Variants in GRIK5 observed in about 807,000 individuals in gnomAD.
GRIK5 encodes glutamate receptor ionotropic, kainate 5.
In GRIK5, 43 loss-of-function variants were observed where a neutral mutation model predicts 97.4. That is an observed-to-expected ratio of 0.44 (90% CI 0.35 to 0.57). The LOEUF (loss-of-function observed/expected upper bound fraction) is 0.57, where lower values mean the gene tolerates loss of function less well. GRIK5 is among the 20% of genes least tolerant of loss of function. The pLI is 0.01. For missense variants in GRIK5, 1,015 were observed against 1,382.0 expected (o/e 0.73, Z 4.21); for synonymous variants, 580 against 583.5 (o/e 0.99, Z 0.09).
intron 15 of GRIK5, among the ~76,000 whole-genome samples, chr19:42,007,403 A>G (rs782121172): frequency 3.3e-5 from 5 of 152,162 alleles, no homozygotes; most frequent in African/African-American, 4.8e-5. Context: ...CCAGGAAACT[A>G]TTTAAAACAT....
At position 42,054,543 on chromosome 19, in the gene GRIK5, G is replaced by A. The variant is rs554886731; in HGVS notation, c.904-71C>T. 71 of 1,549,574 alleles carry A rather than the reference G, an allele frequency of 4.6e-5. No homozygotes were observed. The Middle Eastern group carries it at 5.1e-4, about 11-fold the overall frequency. ...AGGCAGAGGAGCCCCAAAGGCCCCTGAGCTGCCACCCTCAAACCCTCAAAT... is the reference window on the plus strand; with the variant it reads ...AGGCAGAGGAGCCCCAAAGGCCCCTAAGCTGCCACCCTCAAACCCTCAAAT... On this transcript the variant is annotated intron_variant, in intron 8 of 19. Coordinates refer to ENST00000593562, the MANE Select transcript of GRIK5 (RefSeq NM_002088.5).
Position 42,061,922 on chromosome 19 carries a change from G to A in GRIK5, c.508+566C>T, listed in dbSNP as rs545603043. 3.0e-4 allele frequency among the ~76,000 whole-genome samples: 45 copies of A among 152,306 alleles called. No homozygotes were observed. In the South Asian group the frequency reaches 7.9e-3, roughly 27 times the overall value. The stretch of plus-strand genomic sequence containing the variant: ...CATGGCTCCCATCATCTCTTGCTTC[G>A]TTGTTCTCACATTTCAGCCACTGGG... On this transcript the variant is annotated intron_variant, in intron 5 of 19. Transcript: ENST00000593562.
intron 15 of GRIK5, among the ~76,000 whole-genome samples, chr19:42,010,629 G>C (rs1461089816): frequency 6.6e-6 from 1 of 152,160 alleles, no homozygotes; most frequent in Non-Finnish European, 1.5e-5. Flanking sequence ...AAAGCTGGGA[G>C]AATTAATTGC....
chr19:42,022,475 A>C lies in GRIK5; in HGVS notation c.1474-121T>G. On this transcript the variant is annotated intron_variant, in intron 12 of 19. Coordinates refer to ENST00000593562, the MANE Select transcript of GRIK5 (RefSeq NM_002088.5). The surrounding 1 kb of genome is among the most constrained non-coding windows in gnomAD (Gnocchi z 4.2). ...GGAGGCGAGAGAGAGAGAGGTAGGG[A>C]GGGGGAGGGGCCAGGAGCATGGACT... 7.1e-7 allele frequency: 1 copy of C among 1,412,286 alleles called. No homozygotes were observed. The highest frequency in any genetic ancestry group is 9.4e-7 in the Non-Finnish European group (1 of 1,067,406). The allele number at this position is 1,412,286 out of a possible 1,614,324, so 87.5% of individuals were successfully genotyped here. A position where few individuals can be genotyped will look rare whatever the true frequency, so the allele number is the denominator to read the frequency against.
intron 19 of GRIK5, among the ~76,000 whole-genome samples, chr19:42,000,411 T>C (rs911303910): frequency 6.6e-6 from 1 of 152,168 alleles, no homozygotes; most frequent in Non-Finnish European, 1.5e-5. Context: ...TAGGATCTGC[T>C]AAGAGATCAG....
intron 15 of GRIK5, among the ~76,000 whole-genome samples, chr19:42,008,460 C>A (rs2075520788): frequency 6.6e-6 from 1 of 152,160 alleles, no homozygotes; most frequent in African/African-American, 2.4e-5. Flanking sequence ...TACCCCGTCT[C>A]TACTAAAAAT....
At position 42,006,948 on chromosome 19, in the gene GRIK5, G is replaced by A. The variant is rs1387619913; in HGVS notation, c.1872-138C>T. On this transcript the variant is annotated intron_variant, in intron 15 of 19. Transcript: ENST00000593562. The surrounding 1 kb of genome is among the most constrained non-coding windows in gnomAD (Gnocchi z 5.3). ...CTCAGTGACTGCTGGGTGCAGAAGC[G>A]GGGAGTGTGGATTCTGAAGCCAGAC... 1.1e-5 allele frequency: 7 copies of A among 609,546 alleles called. No individual in the cohort carries two copies. Among genetic ancestry groups the A allele is most frequent in the South Asian group, 2.1e-5 (1 of 46,860 alleles). The allele number at this position is 609,546 out of a possible 1,614,324, so 37.8% of individuals were successfully genotyped here. A position where few individuals can be genotyped will look rare whatever the true frequency, so the allele number is the denominator to read the frequency against.
chr19:42,018,439 A>AAGTGAC (rs2075654388), intron 15 of GRIK5, among the ~76,000 whole-genome samples: 1 of 151,398 alleles, frequency 6.6e-6, no homozygotes, highest in African/African-American at 2.5e-5. Context: ...TGAGTGGATC[A>AAGTGAC]CTTAAGGTCA....
intron 19 of GRIK5, chr19:42,001,655 C>T (rs1222705750): frequency 1.3e-5 from 2 of 159,228 alleles, no homozygotes; most frequent in African/African-American, 4.8e-5. Flanking sequence ...TTTGTTGAGC[C>T]TTCAGACCAC....
At position 42,042,716 on chromosome 19, in the gene GRIK5, G is replaced by A. The variant is rs528551990; in HGVS notation, c.1309C>T (p.Leu437=). Residue 437 remains leucine, a synonymous_variant, in exon 12 of 20, where the codon CTG becomes TTG. Transcript: ENST00000593562. This position sits in a 1 kb window ranked among gnomAD's most constrained non-coding sequence, Gnocchi z 6.9. ...CCCTCGAAGCGTTCGTTCCCCGACAGGGCCTGGAAGTTGGGCCGGCGCATG... is the reference window on the plus strand; with the variant it reads ...CCCTCGAAGCGTTCGTTCCCCGACAAGGCCTGGAAGTTGGGCCGGCGCATG... ...YVMRRPNFQA[L]SGNERFEGFC... 5.0e-6 allele frequency: 8 copies of A among 1,613,786 alleles called. No homozygotes were observed. The South Asian group carries it at 8.8e-5, about 18-fold the overall frequency.
chr19:42,049,523 G>A (rs2076085502), intron 11 of GRIK5, among the ~76,000 whole-genome samples: 1 of 152,192 alleles, frequency 6.6e-6, no homozygotes, highest in African/African-American at 2.4e-5. Context: ...CCAGTCTCAA[G>A]AAAGAACACA....
intron 15 of GRIK5, among the ~76,000 whole-genome samples, chr19:42,013,719 C>T (rs549296425): frequency 6.6e-6 from 1 of 152,172 alleles, no homozygotes; most frequent in African/African-American, 2.4e-5. Flanking sequence ...CTAAAAGCAT[C>T]TTTACTTAGA....
rs2076266514 is a variant in GRIK5 at position 42,062,061 on chromosome 19, T to A, written c.508+427A>T. 6.6e-6 allele frequency among the ~76,000 whole-genome samples: 1 copy of A among 152,204 alleles called. No individual in the cohort carries two copies. Among genetic ancestry groups the A allele is most frequent in the South Asian group, 2.1e-4 (1 of 4,832 alleles). ...CTTCCCACACCCTTCAGGTTCAGCT[T>A]GGATGTCTCTTTCTCATAGACACAG... On this transcript the variant is annotated intron_variant, in intron 5 of 19. Transcript: ENST00000593562. This position sits in a 1 kb window ranked among gnomAD's most constrained non-coding sequence, Gnocchi z 5.3.
In GRIK5 at chr19:42,042,884, C is replaced by G; in HGVS notation, c.1270-129G>C. On this transcript the variant is annotated intron_variant, in intron 11 of 19. Transcript: ENST00000593562. The surrounding 1 kb of genome is among the most constrained non-coding windows in gnomAD (Gnocchi z 6.9). ...GAGCACGGTTGATTTATTCATAGTA[C>G]ACATTTCTCACTTACAAATGCTCAG... The G allele has an allele frequency of 1.5e-6, 1 of 681,878 alleles. No individual in the cohort carries two copies. Among genetic ancestry groups the G allele is most frequent in the Non-Finnish European group, 2.5e-6 (1 of 403,722 alleles). The allele number at this position is 681,878 out of a possible 1,614,324, so 42.2% of individuals were successfully genotyped here. A position where few individuals can be genotyped will look rare whatever the true frequency, so the allele number is the denominator to read the frequency against.
chr19:42,022,386 G>C lies in GRIK5; in HGVS notation c.1474-32C>G, dbSNP rs987808627. 1.3e-6 allele frequency: 2 copies of C among 1,574,884 alleles called. No individual in the cohort carries two copies. The highest frequency in any genetic ancestry group is 1.7e-6 in the Non-Finnish European group (2 of 1,147,720). Reference sequence around the variant, plus strand: ...GAGGGGAAGCCGGGCAGGGGTGGAGGGGGACAGAGGGGAAGACAGAAGTGG... The same window carrying C: ...GAGGGGAAGCCGGGCAGGGGTGGAGCGGGACAGAGGGGAAGACAGAAGTGG... On this transcript the variant is annotated intron_variant, in intron 12 of 19. Coordinates refer to ENST00000593562, the MANE Select transcript of GRIK5 (RefSeq NM_002088.5). This position sits in a 1 kb window ranked among gnomAD's most constrained non-coding sequence, Gnocchi z 4.2.
At position 42,022,633 on chromosome 19, in the gene GRIK5, G is replaced by C. The variant is rs1383580569; in HGVS notation, c.1474-279C>G. The stretch of plus-strand genomic sequence containing the variant: ...GTCCCAGCATCAAGGGCTGGGGATG[G>C]AGGGGTTCCCCAAACTCCAATTCAA... On this transcript the variant is annotated intron_variant, in intron 12 of 19. Coordinates refer to ENST00000593562, the MANE Select transcript of GRIK5 (RefSeq NM_002088.5). This position sits in a 1 kb window ranked among gnomAD's most constrained non-coding sequence, Gnocchi z 4.2. 1 of 984,988 alleles carries C rather than the reference G, an allele frequency of 1.0e-6. No individual in the cohort carries two copies. The highest frequency in any genetic ancestry group is 1.2e-6 in the Non-Finnish European group (1 of 829,860). 61.0% of individuals were successfully genotyped at this position (984,988 alleles called of 1,614,324 possible). A position where few individuals can be genotyped will look rare whatever the true frequency, so the allele number is the denominator to read the frequency against.
Position 42,021,922 on chromosome 19 carries a change from C to G in GRIK5, c.1697+25G>C, listed in dbSNP as rs780061384. The G allele has an allele frequency of 2.0e-6, 3 of 1,527,938 alleles. No homozygotes were observed. In the Admixed American group the frequency reaches 5.2e-5, roughly 27 times the overall value. 94.6% of individuals were successfully genotyped at this position (1,527,938 alleles called of 1,614,324 possible). Reference sequence around the variant, plus strand: ...CGGCTCGTGCCTCCTCCAGCCCCTTCCTTCCCAGTAGGCAGTGGACTCACC... The same window carrying G: ...CGGCTCGTGCCTCCTCCAGCCCCTTGCTTCCCAGTAGGCAGTGGACTCACC... On this transcript the variant is annotated intron_variant, in intron 14 of 19. Coordinates refer to ENST00000593562, the MANE Select transcript of GRIK5 (RefSeq NM_002088.5). The surrounding 1 kb of genome is among the most constrained non-coding windows in gnomAD (Gnocchi z 4.2).
chr19:42,056,913 G>A lies in GRIK5; in HGVS notation c.741+12C>T. On this transcript the variant is annotated intron_variant, in intron 7 of 19. Coordinates refer to ENST00000593562, the MANE Select transcript of GRIK5 (RefSeq NM_002088.5). ...GAAGTGGGGGCAGAGATGGGCCAGA[G>A]GGCATACACACCATGGTGGTGAGGA... The A allele has an allele frequency of 1.3e-6, 2 of 1,599,200 alleles. No individual in the cohort carries two copies. The highest frequency in any genetic ancestry group is 1.1e-5 in the South Asian group (1 of 89,414).
intron 15 of GRIK5, among the ~76,000 whole-genome samples, chr19:42,009,921 C>A (rs2075541355): frequency 6.6e-6 from 1 of 151,620 alleles, no homozygotes; most frequent in African/African-American, 2.4e-5. Flanking sequence ...ACAAAATTAG[C>A]CGAGCATGGT....
Sources: allele counts gnomAD v4.1 joint callset (sites outside exome capture counted in the v4.1 genomes callset), GRCh38; gene constraint gnomAD v4.1.1; non-coding constraint Gnocchi (gnomAD v3.1); transcripts MANE v1.5; gene names NCBI Gene and HGNC (gene_info 2026-07-23, HGNC 2026-07-21).